Variants in APBB2 observed in about 807,000 individuals in gnomAD.
The protein encoded by APBB2 is amyloid beta precursor protein binding family B member 2.
In APBB2, 38 loss-of-function variants were observed where a neutral mutation model predicts 82.5. The observed-to-expected ratio is 0.46, with a 90% CI of 0.36 to 0.60. The LOEUF is 0.60. Ranked by LOEUF, APBB2 falls within the 20% of genes least tolerant of loss-of-function variation. The pLI, the probability that APBB2 is intolerant of heterozygous loss-of-function variation, is 0.00. For missense variants in APBB2, 772 were observed against 972.3 expected (o/e 0.79, Z 2.74); for synonymous variants, 341 against 368.2 (o/e 0.93, Z 0.85).
chr4:41,091,974 G>A (rs1261789346), intron 3 of APBB2, among the ~76,000 whole-genome samples: 2 of 152,132 alleles, frequency 1.3e-5, no homozygotes, highest in Admixed American at 6.5e-5. Context: ...TGTGAGATCT[G>A]AACACAATTT....
chr4:40,900,620 T>TA (rs1409873832), intron 10 of APBB2, among the ~76,000 whole-genome samples: 1 of 151,986 alleles, frequency 6.6e-6, no homozygotes, highest in Non-Finnish European at 1.5e-5. Flanking sequence ...CACGCTCACC[T>TA]AATTTTCTGT....
At chr4:41,110,699 G>A (rs1466546470) in intron 2 of APBB2, among the ~76,000 whole-genome samples, 1 of 151,808 alleles carries the variant, frequency 6.6e-6, no homozygotes, top group Non-Finnish European at 1.5e-5. Flanking sequence ...AGAGAATATA[G>A]GTCTGAGCCC....
chr4:40,812,258 A>G lies in APBB2; in HGVS notation c.*3834T>C, dbSNP rs1406500529. On this transcript the variant is annotated 3_prime_UTR_variant, in exon 18 of 18. Coordinates refer to ENST00000508593, the MANE Select transcript of APBB2 (RefSeq NM_004307.2). ...CTAGAGACACCGAGTTTCTATTTCT[A>G]TTCCTTGTATATGTGACTAAGATGT... The G allele has an allele frequency of 2.0e-5, 3 of 152,248 alleles. No homozygotes were observed. Among genetic ancestry groups the G allele is most frequent in the Non-Finnish European group, 4.4e-5 (3 of 68,034 alleles). 9.4% of individuals were successfully genotyped at this position (152,248 alleles called of 1,614,324 possible). A position where few individuals can be genotyped will look rare whatever the true frequency, so the allele number is the denominator to read the frequency against.
At chr4:40,913,374 G>A (rs941309767) in intron 10 of APBB2, among the ~76,000 whole-genome samples, 3 of 152,244 alleles carry the variant, frequency 2.0e-5, no homozygotes, top group African/African-American at 7.2e-5. Context: ...GGCGGAATCT[G>A]AGGCAATTCA....
At chr4:41,128,762 A>G (rs530086375) in intron 2 of APBB2, among the ~76,000 whole-genome samples, 1 of 152,144 alleles carries the variant, frequency 6.6e-6, no homozygotes, top group Non-Finnish European at 1.5e-5. Flanking sequence ...TGTCCTACAA[A>G]CACATTTCCC....
At chr4:40,956,921 G>A (rs1322714243) in intron 6 of APBB2, among the ~76,000 whole-genome samples, 1 of 152,106 alleles carries the variant, frequency 6.6e-6, no homozygotes, top group African/African-American at 2.4e-5. Flanking sequence ...TCTCTGCTGG[G>A]CTTACTCAAC....
chr4:40,991,497 C>A (rs1472467415), intron 6 of APBB2, among the ~76,000 whole-genome samples: 1 of 151,790 alleles, frequency 6.6e-6, no homozygotes, highest in Non-Finnish European at 1.5e-5. Context: ...AGTAAGTGAT[C>A]CTATTTATTT....
intron 12 of APBB2, among the ~76,000 whole-genome samples, chr4:40,886,651 T>C (rs998247925): frequency 1.3e-5 from 2 of 152,064 alleles, no homozygotes; most frequent in Admixed American, 1.3e-4. Context: ...AAACTCACCT[T>C]TGAGACAGTA....
intron 7 of APBB2, among the ~76,000 whole-genome samples, chr4:40,941,447 T>C (rs1186818103): frequency 1.3e-5 from 2 of 152,178 alleles, no homozygotes; most frequent in Non-Finnish European, 2.9e-5. Flanking sequence ...CTCCCAGACA[T>C]ATGATATTGT....
At chr4:41,106,622 G>A (rs1265536665) in intron 2 of APBB2, among the ~76,000 whole-genome samples, 2 of 151,916 alleles carry the variant, frequency 1.3e-5, no homozygotes, top group Non-Finnish European at 2.9e-5. Context: ...GACTACAGGC[G>A]CCCGCCACCA....
intron 12 of APBB2, among the ~76,000 whole-genome samples, chr4:40,872,570 G>A (rs916123769): frequency 6.6e-6 from 1 of 152,158 alleles, no homozygotes; most frequent in African/African-American, 2.4e-5. Flanking sequence ...CATGGTGGCA[G>A]ACACATGCTA....
chr4:40,982,994 G>A (rs140000956), intron 6 of APBB2, among the ~76,000 whole-genome samples: 3 of 152,200 alleles, frequency 2.0e-5, no homozygotes, highest in African/African-American at 7.2e-5. Flanking sequence ...AGGTGGATAA[G>A]TATGAAGGCA....
intron 2 of APBB2, among the ~76,000 whole-genome samples, chr4:41,121,395 TAATA>T (rs1178133830): frequency 6.6e-6 from 1 of 152,190 alleles, no homozygotes; most frequent in Non-Finnish European, 1.5e-5. Context: ...ATTTCACAAT[TAATA>T]AATAGTTCCT....
At position 40,890,392 on chromosome 4, in the gene APBB2, C is replaced by T. The variant is rs764979580; in HGVS notation, c.1501G>A (p.Val501Met). 3 of 1,613,480 alleles carry T rather than the reference C, an allele frequency of 1.9e-6. No individual in the cohort carries two copies. Among genetic ancestry groups the T allele is most frequent in the African/African-American group, 2.7e-5 (2 of 74,928 alleles). The change falls in exon 12 of 18, where the codon GTG (valine) becomes ATG (methionine). Residue 501 changes from valine to methionine, a missense_variant. Val to Met is a conservative substitution (Grantham distance 21). Coordinates refer to ENST00000508593, the MANE Select transcript of APBB2 (RefSeq NM_004307.2). ...CCATTGTCGCGGCCCACGCCCCACA[C>T]GCGGATGCTGACGATGGGCTGCGAG... Reference protein sequence around the residue: ...LHSQPIVSIRVWGVGRDNGRD... With the variant: ...LHSQPIVSIRMWGVGRDNGRD...
intron 1 of APBB2, among the ~76,000 whole-genome samples, chr4:41,143,732 A>G (rs533989928): frequency 1.8e-4 from 28 of 152,390 alleles, no homozygotes; most frequent in Non-Finnish European, 3.4e-4. Context: ...GAATGGTGTA[A>G]TAGAAAATTT....
In APBB2 at chr4:40,815,889, A is replaced by T; in HGVS notation, c.*203T>A. On this transcript the variant is annotated 3_prime_UTR_variant, in exon 18 of 18. Transcript: ENST00000508593. The stretch of plus-strand genomic sequence containing the variant: ...ACTGCGCATGATGTAACTTACAGCA[A>T]AAAAAATTATTCATGCTTCTTTTCA... 2 of 600,784 alleles carry T rather than the reference A, an allele frequency of 3.3e-6. No homozygotes were observed. The highest frequency in any genetic ancestry group is 5.8e-6 in the Non-Finnish European group (2 of 347,568). 37.2% of individuals were successfully genotyped at this position (600,784 alleles called of 1,614,324 possible).
intron 12 of APBB2, 77 bp from the exon 13 acceptor site, chr4:40,830,654 G>A: frequency 1.2e-6 from 1 of 847,706 alleles, no homozygotes; most frequent in Non-Finnish European, 2.0e-6. Context: ...GAAGTTAACT[G>A]AGCTAGCAGC....
At chr4:40,872,358 A>G (rs1239281448) in intron 12 of APBB2, among the ~76,000 whole-genome samples, 1 of 152,230 alleles carries the variant, frequency 6.6e-6, no homozygotes, top group African/African-American at 2.4e-5. Flanking sequence ...GGTGACAGAA[A>G]GGCTAACAGA....
chr4:40,932,997 G>C (rs1784585706), intron 10 of APBB2, among the ~76,000 whole-genome samples: 1 of 152,126 alleles, frequency 6.6e-6, no homozygotes, highest in South Asian at 2.1e-4. Flanking sequence ...CTGAGTAGCT[G>C]GGATTACAGG....
Sources: gnomAD v4.1 joint callset for allele counts (sites outside exome capture counted in the v4.1 genomes callset) on GRCh38, gnomAD v4.1.1 for gene constraint, MANE v1.5 for transcripts, NCBI Gene and HGNC (gene_info 2026-07-23, HGNC 2026-07-21) for gene names.